PARP8: variants seen among roughly 807,000 people sequenced by gnomAD.
PARP8 encodes protein mono-ADP-ribosyltransferase PARP8.
PARP8 carries 51 observed loss-of-function variants against 124.1 expected under a neutral mutation model. The observed-to-expected ratio is 0.41, with a 90% CI of 0.33 to 0.52. The LOEUF (loss-of-function observed/expected upper bound fraction) is 0.52. Among genes scored for constraint, PARP8 ranks in the 20% least tolerant of loss-of-function variants. PARP8 has a pLI of 0.21. For synonymous variants in PARP8, 391 were observed against 361.5 expected, an observed-to-expected ratio of 1.08 and a Z score of -0.93; for missense variants, 860 against 1,018.9, an observed-to-expected ratio of 0.84 and a Z score of 2.12.
intron 2 of PARP8, among the ~76,000 whole-genome samples, chr5:50,707,627 CAG>C (rs34400961): frequency 0.1 from 14,710 of 145,126 alleles, 810 homozygotes; most frequent in South Asian, 0.16. Context: ...ATAGGGGAGA[CAG>C]AGAGAGAGAG....
intron 2 of PARP8, among the ~76,000 whole-genome samples, chr5:50,691,081 T>G (rs1319574823): frequency 6.6e-6 from 1 of 152,218 alleles, no homozygotes; most frequent in Non-Finnish European, 1.5e-5. Context: ...GAAAGGAGGC[T>G]CTGGCTGAGG....
Position 50,846,115 on chromosome 5 carries a change from A to G in PARP8, c.*4047A>G, listed in dbSNP as rs1748592795. On this transcript the variant is annotated 3_prime_UTR_variant, in exon 26 of 26. Transcript: ENST00000281631. The stretch of plus-strand genomic sequence containing the variant: ...AATAGTGCTTATTTACATAGTCAAT[A>G]TAATTTAATGTTCTAAAAATAATAT... 1 of 151,844 alleles carries G rather than the reference A, an allele frequency of 6.6e-6. No homozygotes were observed. The highest frequency in any genetic ancestry group is 2.4e-5 in the African/African-American group (1 of 41,414). The allele number at this position is 151,844 out of a possible 1,614,324, so 9.4% of individuals were successfully genotyped here.
intron 2 of PARP8, among the ~76,000 whole-genome samples, chr5:50,748,062 T>G (rs1758810956): frequency 6.6e-6 from 1 of 152,156 alleles, no homozygotes; most frequent in Non-Finnish European, 1.5e-5. Context: ...AGATTCAGGC[T>G]CTATTTACTT....
intron 9 of PARP8, among the ~76,000 whole-genome samples, chr5:50,782,387 C>T (rs1200617515): frequency 6.6e-6 from 1 of 152,024 alleles, no homozygotes; most frequent in African/African-American, 2.4e-5. Context: ...CTAGTAAACT[C>T]CCCAAGAGAT....
At chr5:50,816,945 A>G (rs1199764367) in intron 15 of PARP8, among the ~76,000 whole-genome samples, 6 of 152,296 alleles carry the variant, frequency 3.9e-5, no homozygotes, top group Middle Eastern at 3.4e-3. Context: ...TGTAAAAATA[A>G]TTAAAACCTT....
chr5:50,703,293 G>A (rs1344529486), intron 2 of PARP8, among the ~76,000 whole-genome samples: 9 of 135,652 alleles, frequency 6.6e-5, no homozygotes, highest in South Asian at 5.0e-4. Flanking sequence ...GAGTGAGACC[G>A]TGTCTCAAAA....
At chr5:50,759,517 A>G in intron 3 of PARP8, 126 bp from the exon 4 acceptor site, 2 of 1,073,420 alleles carry the variant, frequency 1.9e-6, no homozygotes, top group South Asian at 2.5e-5. Flanking sequence ...AGTTTAATCA[A>G]ACAGTAGTGT....
chr5:50,761,682 T>C, intron 5 of PARP8, 139 bp from the exon 6 acceptor site: 1 of 503,552 alleles, frequency 2.0e-6, no homozygotes, highest in South Asian at 2.6e-5. Context: ...CCTTTTGTTC[T>C]GGGGTTTTAC....
At chr5:50,702,962 GCAGA>G (rs1388774269) in intron 2 of PARP8, among the ~76,000 whole-genome samples, 2 of 152,170 alleles carry the variant, frequency 1.3e-5, no homozygotes, top group Non-Finnish European at 2.9e-5. Context: ...AGTGAGACCA[GCAGA>G]CAGAGAGTTG....
intron 7 of PARP8, among the ~76,000 whole-genome samples, chr5:50,766,047 A>T (rs1185279527): frequency 1.3e-5 from 2 of 152,202 alleles, no homozygotes; most frequent in East Asian, 3.8e-4. Context: ...TCTCTGTAAG[A>T]GATGGAAGTA....
chr5:50,772,780 T>G (rs951485316), intron 7 of PARP8, among the ~76,000 whole-genome samples: 1 of 152,214 alleles, frequency 6.6e-6, no homozygotes, highest in Non-Finnish European at 1.5e-5. Flanking sequence ...CACTGCAACC[T>G]CTGCCGACTG....
At chr5:50,701,605 T>C (rs955259014) in intron 2 of PARP8, among the ~76,000 whole-genome samples, 2 of 152,144 alleles carry the variant, frequency 1.3e-5, no homozygotes, top group Non-Finnish European at 2.9e-5. Flanking sequence ...ACTAATAAGA[T>C]TGGTTCTTTT....
chr5:50,805,503 A>G (rs1471148263), intron 14 of PARP8, among the ~76,000 whole-genome samples: 2 of 152,090 alleles, frequency 1.3e-5, no homozygotes, highest in Non-Finnish European at 2.9e-5. Flanking sequence ...CTTTGAACCT[A>G]ATTCTCTCTG....
chr5:50,695,982 G>T (rs185224354), intron 2 of PARP8, among the ~76,000 whole-genome samples: 20 of 152,190 alleles, frequency 1.3e-4, no homozygotes, highest in African/African-American at 4.6e-4. Flanking sequence ...GCTCTTTATT[G>T]TTAGGAATTA....
At chr5:50,723,070 T>C (rs1429711101) in intron 2 of PARP8, among the ~76,000 whole-genome samples, 2 of 152,164 alleles carry the variant, frequency 1.3e-5, no homozygotes, top group Non-Finnish European at 2.9e-5. Flanking sequence ...TGTTAAAATA[T>C]ATTCTCGCCT....
chr5:50,707,632 AGAG>A (rs1297229830), intron 2 of PARP8, among the ~76,000 whole-genome samples: 862 of 18,156 alleles, frequency 0.047, 4 homozygotes, highest in African/African-American at 0.11. Context: ...GGAGACAGAG[AGAG>A]AGAGAGAGAG....
At chr5:50,683,153 C>T (rs556679036) in intron 2 of PARP8, among the ~76,000 whole-genome samples, 1 of 152,226 alleles carries the variant, frequency 6.6e-6, no homozygotes, top group East Asian at 1.9e-4. Flanking sequence ...ATTGGAAGCC[C>T]TCTACCTAGG....
chr5:50,778,633 A>G lies in PARP8; in HGVS notation c.653A>G (p.Gln218Arg). 6.2e-7 allele frequency: 1 copy of G among 1,601,808 alleles called. No individual in the cohort carries two copies. The highest frequency in any genetic ancestry group is 8.5e-7 in the Non-Finnish European group (1 of 1,174,284). The part of the protein sequence containing the change: ...IIVRLHCSLT[Q>R]YLNGPVPTVD... ...GTTCGACTACACTGTTCACTTACACAGTATTTAAATGGCCCAGGTTAGTTT... is the reference window on the plus strand; with the variant it reads ...GTTCGACTACACTGTTCACTTACACGGTATTTAAATGGCCCAGGTTAGTTT... The change falls in exon 9 of 26, where the codon CAG (glutamine) becomes CGG (arginine). Residue 218 changes from glutamine (Q) to arginine (R), a missense_variant. Gln to Arg is a conservative substitution (Grantham distance 43, BLOSUM62 1). Transcript: ENST00000281631.
At position 50,842,106 on chromosome 5, in the gene PARP8, C is replaced by T. The variant is rs761127767; in HGVS notation, c.*38C>T. The stretch of plus-strand genomic sequence containing the variant: ...TAATTAACATGATTCGAAAGCCTTC[C>T]TCGGGTTCAAAGCTGGATTTTGAAC... On this transcript the variant is annotated 3_prime_UTR_variant, in exon 26 of 26. Transcript: ENST00000281631. 6 of 1,427,452 alleles carry T rather than the reference C, an allele frequency of 4.2e-6. No individual in the cohort carries two copies. The highest frequency in any genetic ancestry group is 5.9e-6 in the Non-Finnish European group (6 of 1,024,630). 88.4% of individuals were successfully genotyped at this position (1,427,452 alleles called of 1,614,324 possible). A position where few individuals can be genotyped will look rare whatever the true frequency, so the allele number is the denominator to read the frequency against.
Sources: gnomAD v4.1 joint callset for allele counts (sites outside exome capture counted in the v4.1 genomes callset) on GRCh38, gnomAD v4.1.1 for gene constraint, MANE v1.5 for transcripts, NCBI Gene and HGNC (gene_info 2026-07-23, HGNC 2026-07-21) for gene names.